Variants in DLG2 observed in about 807,000 individuals in gnomAD.
The protein encoded by DLG2 is disks large homolog 2.
DLG2 carries 45 observed loss-of-function variants against 132.5 expected under a neutral mutation model. The ratio of observed to expected loss-of-function variants is 0.34; its 90% CI spans 0.27 to 0.44. The LOEUF is 0.44. DLG2 is among the 20% of genes least tolerant of loss of function. The pLI, the probability that DLG2 is intolerant of heterozygous loss-of-function variation, is 1.00. For missense variants in DLG2, 1,045 were observed against 1,196.9 expected (o/e 0.87, Z 1.87); for synonymous variants, 424 against 419.6 (o/e 1.01, Z -0.13).
intron 3 of DLG2, among the ~76,000 whole-genome samples, chr11:85,328,989 A>G (rs1256077826): frequency 8.1e-6 from 1 of 123,056 alleles, no homozygotes; most frequent in Non-Finnish European, 1.7e-5. Flanking sequence ...CAACAGACAA[A>G]CAGAGAGCCA....
chr11:83,961,170 C>T (rs5006941), intron 14 of DLG2, among the ~76,000 whole-genome samples: 20,487 of 151,966 alleles, frequency 0.13, 1,722 homozygotes, highest in African/African-American at 0.22. Context: ...ACTTAATCAT[C>T]ACAACAACCT....
At chr11:85,409,184 C>T (rs557672978) in intron 3 of DLG2, among the ~76,000 whole-genome samples, 6 of 151,986 alleles carry the variant, frequency 3.9e-5, no homozygotes, top group Admixed American at 3.9e-4. Flanking sequence ...AAGTCAAACA[C>T]TTTATTTTAC....
At chr11:84,184,405 C>T (rs1226339732) in intron 8 of DLG2, among the ~76,000 whole-genome samples, 2 of 151,670 alleles carry the variant, frequency 1.3e-5, no homozygotes, top group Admixed American at 6.6e-5. Context: ...TATCCTTCGC[C>T]CACTTTTTGA....
At chr11:84,577,344 G>T (rs549072706) in intron 6 of DLG2, among the ~76,000 whole-genome samples, 107 of 152,284 alleles carry the variant, frequency 7.0e-4, no homozygotes, top group African/African-American at 2.4e-3. Context: ...GGAACAGTTT[G>T]GAGGGCTCAG....
intron 18 of DLG2, among the ~76,000 whole-genome samples, chr11:83,746,725 A>AT (rs1358134102): frequency 6.6e-6 from 1 of 152,156 alleles, no homozygotes. Context: ...TTAAAGTATA[A>AT]TAAAAAAAAA....
Position 84,596,420 on chromosome 11 carries a change from G to A in DLG2, c.358-61689C>T, listed in dbSNP as rs146278332. Among the ~76,000 whole-genome samples, 1,249 of 145,092 alleles carry A rather than the reference G, an allele frequency of 8.6e-3. 9 individuals carry two copies. The highest frequency in any genetic ancestry group is 0.013 in the Non-Finnish European group (869 of 66,766). ...TTTTTAGTAGTAGAGACGGGGTTTC[G>A]ACACGTTGGCCAGGCTCCTCTCGAA... On this transcript the variant is annotated intron_variant, in intron 6 of 27. Coordinates refer to ENST00000376104, the MANE Select transcript of DLG2 (RefSeq NM_001142699.3).
At chr11:84,003,144 C>T (rs943773131) in intron 11 of DLG2, among the ~76,000 whole-genome samples, 17 of 152,132 alleles carry the variant, frequency 1.1e-4, no homozygotes, top group African/African-American at 3.6e-4. Flanking sequence ...ACCTTTATTC[C>T]AGTTCCCAAT....
At chr11:84,886,554 A>T (rs1211787747) in intron 6 of DLG2, among the ~76,000 whole-genome samples, 3 of 152,106 alleles carry the variant, frequency 2.0e-5, no homozygotes, top group Non-Finnish European at 4.4e-5. Flanking sequence ...CACAGCCACA[A>T]CTCATGAGAT....
chr11:84,660,942 A>C (rs1472601613), intron 6 of DLG2, among the ~76,000 whole-genome samples: 3 of 152,184 alleles, frequency 2.0e-5, no homozygotes, highest in Non-Finnish European at 4.4e-5. Flanking sequence ...CTCAACTTCA[A>C]GTTGTACATT....
At chr11:84,580,188 G>C (rs551261325) in intron 6 of DLG2, among the ~76,000 whole-genome samples, 1 of 152,048 alleles carries the variant, frequency 6.6e-6, no homozygotes, top group Non-Finnish European at 1.5e-5. Context: ...ATATACCAAG[G>C]GTTTGCAGTA....
chr11:84,534,998 G>A (rs975463278), intron 6 of DLG2, among the ~76,000 whole-genome samples: 25 of 152,160 alleles, frequency 1.6e-4, no homozygotes, highest in African/African-American at 5.6e-4. Context: ...CTACAGAAAG[G>A]TGATAACAAA....
At chr11:83,730,952 T>G (rs1386279748) in intron 18 of DLG2, among the ~76,000 whole-genome samples, 3 of 152,152 alleles carry the variant, frequency 2.0e-5, no homozygotes, top group Non-Finnish European at 4.4e-5. Context: ...AAATTTTAGA[T>G]GATGAAACAG....
intron 18 of DLG2, among the ~76,000 whole-genome samples, chr11:83,731,544 G>A (rs1246093346): frequency 6.6e-6 from 1 of 152,092 alleles, no homozygotes; most frequent in Non-Finnish European, 1.5e-5. Context: ...TCATAGATAG[G>A]CATCTGGGTT....
At chr11:85,342,969 T>C (rs2082598251) in intron 3 of DLG2, among the ~76,000 whole-genome samples, 2 of 152,220 alleles carry the variant, frequency 1.3e-5, no homozygotes, top group African/African-American at 4.8e-5. Flanking sequence ...CTACTATGAC[T>C]GTGTCCTCAG....
chr11:85,385,037 C>G (rs1305920625), intron 3 of DLG2, among the ~76,000 whole-genome samples: 2 of 151,998 alleles, frequency 1.3e-5, no homozygotes, highest in African/African-American at 4.8e-5. Flanking sequence ...TACTTTTTTC[C>G]CCTGTGCCCT....
chr11:84,194,986 A>G (rs2096488361), intron 8 of DLG2, among the ~76,000 whole-genome samples: 1 of 152,114 alleles, frequency 6.6e-6, no homozygotes, highest in South Asian at 2.1e-4. Context: ...CCTCCCTGCA[A>G]GCAGGGGGAG....
At chr11:85,270,470 T>C (rs542018746) in intron 4 of DLG2, among the ~76,000 whole-genome samples, 62 of 152,276 alleles carry the variant, frequency 4.1e-4, no homozygotes, top group African/African-American at 1.5e-3. Context: ...ATACAGTAAT[T>C]TGGTACTGAC....
intron 21 of DLG2, among the ~76,000 whole-genome samples, chr11:83,518,492 GC>G (rs2095371961): frequency 6.6e-6 from 1 of 152,154 alleles, no homozygotes; most frequent in Admixed American, 6.5e-5. Context: ...GCCTCACCCT[GC>G]TTCAGCGATG....
intron 6 of DLG2, among the ~76,000 whole-genome samples, chr11:84,535,924 G>A (rs1425248286): frequency 2.8e-5 from 4 of 145,050 alleles, no homozygotes; most frequent in African/African-American, 1.1e-4. Context: ...TCCCATTATT[G>A]TTATCATCAA....
Sources: gnomAD v4.1 joint callset for allele counts (sites outside exome capture counted in the v4.1 genomes callset) on GRCh38, gnomAD v4.1.1 for gene constraint, MANE v1.5 for transcripts, NCBI Gene and HGNC (gene_info 2026-07-23, HGNC 2026-07-21) for gene names.